Variants in SCN3A observed in about 807,000 individuals in gnomAD.
SCN3A encodes sodium channel protein type 3 subunit alpha.
In SCN3A, 60 loss-of-function variants were observed where a neutral mutation model predicts 187.6. The observed-to-expected ratio is 0.32, with a 90% CI of 0.26 to 0.40. The LOEUF is 0.40. Among genes scored for constraint, SCN3A ranks in the 10% least tolerant of loss-of-function variants. The pLI, the probability that SCN3A is intolerant of heterozygous loss-of-function variation, is 1.00. For missense variants in SCN3A, 1,601 were observed against 2,428.2 expected, an observed-to-expected ratio of 0.66 and a Z score of 7.16; for synonymous variants, 788 against 829.2, an observed-to-expected ratio of 0.95 and a Z score of 0.85.
At chr2:165,106,767 C>G (rs916375101) in intron 21 of SCN3A, among the ~76,000 whole-genome samples, 1 of 152,142 alleles carries the variant, frequency 6.6e-6, no homozygotes, top group Non-Finnish European at 1.5e-5. Flanking sequence ...AGAATGCTGG[C>G]TGATGAATTG....
chr2:165,194,342 T>TACTAGGCTTACTCC (rs1691804280), intron 1 of SCN3A, among the ~76,000 whole-genome samples: 1 of 152,144 alleles, frequency 6.6e-6, no homozygotes, highest in Non-Finnish European at 1.5e-5. Flanking sequence ...TGGGACTCTG[T>TACTAGGCTTACTCC]ACTAGGCTTA....
rs564771987 is a variant in SCN3A, at chr2:165,146,820, G to A, written c.1590C>T (p.Asp530=). 1.2e-6 allele frequency: 2 copies of A among 1,614,074 alleles called. No homozygotes were observed. Among genetic ancestry groups the A allele is most frequent in the East Asian group, 2.2e-5 (1 of 44,868 alleles). ...RDSFPKSESE[D]SVKRSSFLFS... ...AAAGGAAGCTGCTTCTTTTGACGCT[G>A]TCTTCAGATTCGGATTTGGGAAAGC... Residue 530 remains aspartate, a synonymous_variant, in exon 12 of 28, where the codon GAC becomes GAT. Coordinates refer to ENST00000283254, the MANE Select transcript of SCN3A (RefSeq NM_006922.4).
intron 5 of SCN3A, among the ~76,000 whole-genome samples, chr2:165,168,198 TTATGGAAGACATTTTA>T (rs1398248615): frequency 6.6e-6 from 1 of 152,102 alleles, no homozygotes. Flanking sequence ...GAACACAGTT[TTATGGAAGACATTTTA>T]TTTCTTTTAC....
At chr2:165,158,840 G>A (rs1689206471) in intron 9 of SCN3A, among the ~76,000 whole-genome samples, 1 of 137,740 alleles carries the variant, frequency 7.3e-6, no homozygotes, top group African/African-American at 3.0e-5. Flanking sequence ...CCAGTTTGGG[G>A]TCATTGAAGG....
chr2:165,158,795 A>G (rs959713491), intron 9 of SCN3A, among the ~76,000 whole-genome samples: 2 of 138,014 alleles, frequency 1.4e-5, no homozygotes, highest in Non-Finnish European at 3.0e-5. Flanking sequence ...CAATTTATTT[A>G]TCTATACAAC....
intron 17 of SCN3A, among the ~76,000 whole-genome samples, chr2:165,129,251 A>G (rs1465892035): frequency 1.3e-5 from 2 of 152,258 alleles, no homozygotes; most frequent in East Asian, 1.9e-4. Flanking sequence ...ATATAAATAT[A>G]TAAACTATGC....
Position 165,140,102 on chromosome 2 carries a change from G to GA in SCN3A, c.2020-495dup, listed in dbSNP as rs1687914504. ...CCATGCACAAACACAGATGTACGAT[G>GA]AAATGTGTGTGCTTTCCTGAAATTT... On this transcript the variant is annotated intron_variant, in intron 13 of 27. Transcript: ENST00000283254. The surrounding 1 kb of genome is among the most constrained non-coding windows in gnomAD (Gnocchi z 4.2). Among the ~76,000 whole-genome samples the GA allele has an allele frequency of 6.6e-6, 1 of 152,118 alleles. No individual in the cohort carries two copies. The highest frequency in any genetic ancestry group is 1.5e-5 in the Non-Finnish European group (1 of 68,006).
In SCN3A at chr2:165,164,374, AT is replaced by A; in HGVS notation, c.602+17del. On this transcript the variant is annotated intron_variant, in intron 6 of 27. Coordinates refer to ENST00000283254, the MANE Select transcript of SCN3A (RefSeq NM_006922.4). ...ATTTTCACTCCTTTGCGCTTATCAA[AT>A]TTTCAAAGTTACTCACGCCATCACA... The A allele has an allele frequency of 1.2e-6, 2 of 1,613,626 alleles. No individual in the cohort carries two copies. The highest frequency in any genetic ancestry group is 2.2e-5 in the South Asian group (2 of 91,066).
chr2:165,113,056 G>A lies in SCN3A; in HGVS notation c.3672C>T (p.Ala1224=), dbSNP rs767597063. 23 of 1,608,886 alleles carry A rather than the reference G, an allele frequency of 1.4e-5. No homozygotes were observed. The East Asian group carries it at 3.4e-4, about 23-fold the overall frequency. Residue 1224 remains alanine (A), a splice_region_variant and synonymous_variant, in exon 21 of 28, where the codon GCC becomes GCT. Transcript: ENST00000283254. ...FMILLSSGAL[A]FEDIYIEQRK... The stretch of plus-strand genomic sequence containing the variant: ...GCTGTTCAATGTATATATCTTCAAA[G>A]GCCTATGAATCAAAAATATTTTATT...
Position 165,176,432 on chromosome 2 carries a change from G to A in SCN3A, c.-38C>T, listed in dbSNP as rs1690474797. On this transcript the variant is annotated 5_prime_UTR_variant, in exon 3 of 28. An upstream open reading frame in the 5' UTR gains an earlier in-frame stop. Coordinates refer to ENST00000283254, the MANE Select transcript of SCN3A (RefSeq NM_006922.4). ...CACATTTAATTACGTGTAGCTTCTT[G>A]CATACGAATTACCTGCAATAAAAGA... is the stretch of plus-strand genomic sequence containing the variant. The A allele has an allele frequency of 6.2e-7, 1 of 1,613,052 alleles. No homozygotes were observed. Among genetic ancestry groups the A allele is most frequent in the Non-Finnish European group, 8.5e-7 (1 of 1,179,672 alleles).
rs746906829 is a variant in SCN3A at position 165,154,447 on chromosome 2, A to G, written c.1380+5T>C. The stretch of plus-strand genomic sequence containing the variant: ...TGATAAATCTTTGCTTTTATCACTC[A>G]GTACCTGAGCTTCTTCCTGTTGCTT... On this transcript the variant is annotated splice_donor_5th_base_variant and intron_variant, in intron 11 of 27. Transcript: ENST00000283254. 4 of 1,613,934 alleles carry G rather than the reference A, an allele frequency of 2.5e-6. No individual in the cohort carries two copies. The highest frequency in any genetic ancestry group is 2.5e-6 in the Non-Finnish European group (3 of 1,179,812).
intron 9 of SCN3A, among the ~76,000 whole-genome samples, chr2:165,156,350 C>T (rs1359562255): frequency 6.9e-6 from 1 of 144,258 alleles, no homozygotes; most frequent in African/African-American, 2.5e-5. Context: ...ACTAAAAATA[C>T]AAAAAAAAAA....
chr2:165,090,897 G>A lies in SCN3A; in HGVS notation c.5256C>T (p.Val1752=). ...CCAGGAAGGATATGATGATGTAACT[G>A]ACAAAAAAGAAAATCCCAACAGATG... is the stretch of plus-strand genomic sequence containing the variant. ...GNPSVGIFFF[V]SYIIISFLVV... is the part of the protein sequence containing the mutation. The change falls in exon 28 of 28, where the codon GTC becomes GTT. Residue 1752 remains valine, a synonymous_variant. Coordinates refer to ENST00000283254, the MANE Select transcript of SCN3A (RefSeq NM_006922.4). This position sits in a 1 kb window ranked among gnomAD's most constrained non-coding sequence, Gnocchi z 4.0. 6.2e-7 allele frequency: 1 copy of A among 1,614,032 alleles called. No individual in the cohort carries two copies.
rs145220602 is a variant in SCN3A, at chr2:165,090,156, T to C, written c.5997A>G (p.Gln1999=). The change falls in exon 28 of 28, where the codon CAA becomes CAG. Residue 1999 remains glutamine (Q), a synonymous_variant. Coordinates refer to ENST00000283254, the MANE Select transcript of SCN3A (RefSeq NM_006922.4). This position sits in a 1 kb window ranked among gnomAD's most constrained non-coding sequence, Gnocchi z 4.0. The part of the protein sequence containing the change: ...ESKGKEVREN[Q]K The stretch of plus-strand genomic sequence containing the variant: ...GATAATTCTTTGTTTCTTTTTACTT[T>C]TGATTTTCTCTGACCTCTTTTCCTT... 1 of 1,578,264 alleles carries C rather than the reference T, an allele frequency of 6.3e-7. No individual in the cohort carries two copies. Among genetic ancestry groups the C allele is most frequent in the East Asian group, 2.3e-5 (1 of 44,236 alleles).
chr2:165,119,085 T>C (rs1206390175), intron 18 of SCN3A, among the ~76,000 whole-genome samples: 1 of 152,132 alleles, frequency 6.6e-6, no homozygotes, highest in Non-Finnish European at 1.5e-5. Flanking sequence ...TTTAAATTTT[T>C]TGTAGAGATA....
At chr2:165,129,751 A>C (rs1469135804) in intron 17 of SCN3A, among the ~76,000 whole-genome samples, 189 bp downstream of exon 17, 1 of 152,158 alleles carries the variant, frequency 6.6e-6, no homozygotes, top group Non-Finnish European at 1.5e-5. Flanking sequence ...TATTATTCCA[A>C]TGTCATAAAA....
In SCN3A at chr2:165,136,516, T is replaced by C. The variant is rs61140974; in HGVS notation, c.2391+1363A>G. On this transcript the variant is annotated intron_variant, in intron 15 of 27. Coordinates refer to ENST00000283254, the MANE Select transcript of SCN3A (RefSeq NM_006922.4). ...AAGGGTATTATTACACTCATTTCAA[T>C]AATAGAAAACAAAGATTCAGATTGT... Among the ~76,000 whole-genome samples the C allele has an allele frequency of 3.7e-3, 556 of 152,260 alleles. 3 individuals are homozygous for C. The highest frequency in any genetic ancestry group is 0.012 in the African/African-American group (516 of 41,560).
At chr2:165,099,671 C>T (rs1574105592) in intron 22 of SCN3A, among the ~76,000 whole-genome samples, 2 of 152,000 alleles carry the variant, frequency 1.3e-5, no homozygotes, top group Non-Finnish European at 1.5e-5. Context: ...GAGCTGAGAT[C>T]GCACCACTGC....
chr2:165,137,768 G>A (rs1391445133), intron 15 of SCN3A, 111 bp downstream of exon 15: 17 of 820,072 alleles, frequency 2.1e-5, no homozygotes, highest in Non-Finnish European at 1.7e-5. Context: ...TTCTTTCTAT[G>A]AGGAAAGAGG....
Sources: allele counts gnomAD v4.1 joint callset (sites outside exome capture counted in the v4.1 genomes callset), GRCh38; gene constraint gnomAD v4.1.1; non-coding constraint Gnocchi (gnomAD v3.1); transcripts MANE v1.5; gene names NCBI Gene and HGNC (gene_info 2026-07-23, HGNC 2026-07-21).